Variants in PGM5 observed in about 807,000 individuals in gnomAD.
The protein encoded by PGM5 is phosphoglucomutase 5.
PGM5 carries 23 observed loss-of-function variants against 59.2 expected under a neutral mutation model. That is an observed-to-expected ratio of 0.39 (90% CI 0.28 to 0.55). The LOEUF (loss-of-function observed/expected upper bound fraction) is 0.55, where lower values mean the gene tolerates loss of function less well. Among genes scored for constraint, PGM5 ranks in the 20% least tolerant of loss-of-function variants. The probability of loss-of-function intolerance (pLI) is 0.66; values close to 1 mark genes in which losing one functional copy is unlikely to be tolerated. For missense variants in PGM5, 574 were observed against 748.3 expected, an observed-to-expected ratio of 0.77 and a Z score of 2.72; for synonymous variants, 214 against 286.0, an observed-to-expected ratio of 0.75 and a Z score of 2.54.
intron 10 of PGM5, among the ~76,000 whole-genome samples, chr9:68,500,365 T>C (rs1289500995): frequency 6.6e-6 from 1 of 152,046 alleles, no homozygotes; most frequent in Non-Finnish European, 1.5e-5. Flanking sequence ...AACTTGGCAA[T>C]AATGGGTGCT....
At chr9:68,374,384 C>A (rs1821821944) in intron 1 of PGM5, among the ~76,000 whole-genome samples, 1 of 149,618 alleles carries the variant, frequency 6.7e-6, no homozygotes, top group African/African-American at 2.5e-5. Flanking sequence ...AATAATTTAT[C>A]ATGACTTTGG....
At chr9:68,513,923 A>T (rs1824787888) in intron 10 of PGM5, among the ~76,000 whole-genome samples, 1 of 152,216 alleles carries the variant, frequency 6.6e-6, no homozygotes, top group Non-Finnish European at 1.5e-5. Flanking sequence ...CAGAATTTGC[A>T]GTCATTATGA....
At chr9:68,406,720 ATATATG>A (rs1563996772) in intron 6 of PGM5, among the ~76,000 whole-genome samples, 62 of 76,476 alleles carry the variant, frequency 8.1e-4, no homozygotes, top group Non-Finnish European at 9.9e-4. Flanking sequence ...ATATATATAT[ATATATG>A]TATATAGTGC....
At chr9:68,529,164 C>CATGTGTGTGT (rs1488725319) in intron 10 of PGM5, among the ~76,000 whole-genome samples, 2 of 131,952 alleles carry the variant, frequency 1.5e-5, no homozygotes, top group African/African-American at 5.7e-5. Context: ...CTTTTATTCT[C>CATGTGTGTGT]GTGTGTGTGT....
At chr9:68,496,937 G>C (rs1472070468) in intron 9 of PGM5, 1 of 152,194 alleles carries the variant, frequency 6.6e-6, no homozygotes, top group African/African-American at 2.4e-5. Context: ...CCAATTTATG[G>C]GTAAGCCATA....
intron 7 of PGM5, among the ~76,000 whole-genome samples, chr9:68,469,494 A>G (rs1823989032): frequency 1.3e-5 from 2 of 152,152 alleles, no homozygotes. Flanking sequence ...TCCACTGTGA[A>G]CTCTGAAGTA....
rs372612439 is a variant in PGM5 at position 68,465,522 on chromosome 9, A to T, written c.1159+314A>T. The stretch of plus-strand genomic sequence containing the variant: ...TTTCAACCACCATAAACTTGTGATC[A>T]ATCTTCCTTTATCTCTACCCTCATC... On this transcript the variant is annotated intron_variant, in intron 7 of 10. Transcript: ENST00000396396. Among the ~76,000 whole-genome samples, 42 of 152,200 alleles carry T rather than the reference A, an allele frequency of 2.8e-4. 1 individual carries two copies. The South Asian group carries it at 8.5e-3, about 31-fold the overall frequency.
chr9:68,384,003 G>A (rs1822150551), intron 2 of PGM5, among the ~76,000 whole-genome samples: 1 of 151,962 alleles, frequency 6.6e-6, no homozygotes, highest in Non-Finnish European at 1.5e-5. Context: ...ATGCACTGGG[G>A]AAGCTGCATG....
chr9:68,512,049 A>G (rs1824758436), intron 10 of PGM5, among the ~76,000 whole-genome samples: 1 of 152,188 alleles, frequency 6.6e-6, no homozygotes, highest in Admixed American at 6.5e-5. Context: ...CTCTCCATTC[A>G]TGGAACAAAT....
intron 6 of PGM5, among the ~76,000 whole-genome samples, chr9:68,442,749 A>C (rs981803720): frequency 3.9e-5 from 6 of 152,270 alleles, no homozygotes; most frequent in Non-Finnish European, 7.3e-5. Context: ...AAAATGTTTT[A>C]ACAGATACTT....
chr9:68,511,622 C>T (rs1824752762), intron 10 of PGM5, among the ~76,000 whole-genome samples: 1 of 128,766 alleles, frequency 7.8e-6, no homozygotes, highest in Non-Finnish European at 1.6e-5. Context: ...GCAATCTCAG[C>T]TCACTGCAAC....
At chr9:68,465,765 C>T (rs1823924699) in intron 7 of PGM5, among the ~76,000 whole-genome samples, 1 of 152,126 alleles carries the variant, frequency 6.6e-6, no homozygotes, top group Non-Finnish European at 1.5e-5. Context: ...TGCATCATGT[C>T]CAAGAAGTCG....
intron 6 of PGM5, among the ~76,000 whole-genome samples, chr9:68,442,013 C>G (rs906382050): frequency 2.0e-5 from 3 of 151,972 alleles, no homozygotes; most frequent in Non-Finnish European, 4.4e-5. Context: ...TATTAAAATG[C>G]ATACATGATC....
chr9:68,445,974 A>AT, intron 6 of PGM5, among the ~76,000 whole-genome samples: 1 of 152,334 alleles, frequency 6.6e-6, no homozygotes, highest in East Asian at 1.9e-4. Context: ...GTGAAGGAAT[A>AT]TTTTTTATGT....
At chr9:68,401,629 A>T (rs62551331) in intron 6 of PGM5, among the ~76,000 whole-genome samples, 1 of 150,978 alleles carries the variant, frequency 6.6e-6, no homozygotes, top group Non-Finnish European at 1.5e-5. Context: ...AGTGCCACCC[A>T]GTCTCGAACA....
At chr9:68,517,661 C>T (rs2132116999) in intron 10 of PGM5, among the ~76,000 whole-genome samples, 1 of 152,238 alleles carries the variant, frequency 6.6e-6, no homozygotes, top group South Asian at 2.1e-4. Context: ...TTAAAAGGAG[C>T]AAGATATCTG....
chr9:68,457,866 AAAAC>A (rs1263317391), intron 6 of PGM5, among the ~76,000 whole-genome samples: 1 of 152,216 alleles, frequency 6.6e-6, no homozygotes, highest in Non-Finnish European at 1.5e-5. Context: ...AAAGCAAAAC[AAAAC>A]AAACAGATAA....
chr9:68,433,895 T>C (rs1554683206), intron 6 of PGM5, among the ~76,000 whole-genome samples: 1 of 152,238 alleles, frequency 6.6e-6, no homozygotes, highest in East Asian at 1.9e-4. Context: ...AGTAGAATGA[T>C]AGGGATTTTG....
intron 7 of PGM5, among the ~76,000 whole-genome samples, chr9:68,476,768 G>A (rs1045750557): frequency 1.3e-5 from 2 of 152,194 alleles, no homozygotes; most frequent in African/African-American, 4.8e-5. Context: ...AATTTACTAT[G>A]CAATTGGCTA....
Sources: allele counts gnomAD v4.1 joint callset (sites outside exome capture counted in the v4.1 genomes callset), GRCh38; gene constraint gnomAD v4.1.1; transcripts MANE v1.5; gene names NCBI Gene and HGNC (gene_info 2026-07-23, HGNC 2026-07-21).